The following CDYL2 variants were observed in gnomAD, a reference collection of about 807,000 sequenced individuals.
CDYL2 encodes chromodomain Y like 2.
A neutral mutation model predicts 49.4 loss-of-function variants in CDYL2; 23 were observed. The observed-to-expected ratio is 0.47, with a 90% confidence interval of 0.34 to 0.66. The LOEUF (loss-of-function observed/expected upper bound fraction) is 0.66, where lower values mean the gene tolerates loss of function less well. Ranked by LOEUF, CDYL2 falls within the 30% of genes least tolerant of loss-of-function variation. CDYL2 has a pLI of 0.01. For missense variants in CDYL2, 678 were observed against 656.4 expected (o/e 1.03, Z -0.36); for synonymous variants, 360 against 268.8 (o/e 1.34, Z -3.32).
chr16:80,706,636 C>T (rs1904414697), intron 1 of CDYL2, among the ~76,000 whole-genome samples: 1 of 152,168 alleles, frequency 6.6e-6, no homozygotes, highest in Non-Finnish European at 1.5e-5. Context: ...CCTCCTCCTG[C>T]ACAAAAGTGA....
intron 2 of CDYL2, chr16:80,679,841 T>C (rs142691308): frequency 8.8e-6 from 4 of 452,472 alleles, no homozygotes; most frequent in African/African-American, 8.0e-5. Flanking sequence ...TAGCAGCATC[T>C]AGGAACTTCT....
chr16:80,687,554 ATGGCTGGC>A (rs576744278), intron 1 of CDYL2, among the ~76,000 whole-genome samples: 2 of 150,612 alleles, frequency 1.3e-5, no homozygotes, highest in African/African-American at 2.5e-5. Context: ...AGATGGATGG[ATGGCTGGC>A]TGGCTGGCTG....
At chr16:80,771,987 G>A (rs1170141444) in intron 1 of CDYL2, among the ~76,000 whole-genome samples, 1 of 152,060 alleles carries the variant, frequency 6.6e-6, no homozygotes, top group Non-Finnish European at 1.5e-5. Context: ...AGGAGAAAGA[G>A]GAAATGGCTG....
intron 1 of CDYL2, among the ~76,000 whole-genome samples, chr16:80,722,438 C>T (rs1905028197): frequency 6.6e-6 from 1 of 152,158 alleles, no homozygotes; most frequent in Admixed American, 6.5e-5. Context: ...CAGGAACTCA[C>T]CCTGATCTCC....
intron 3 of CDYL2, among the ~76,000 whole-genome samples, chr16:80,627,075 G>A (rs1907338255): frequency 6.6e-6 from 1 of 152,002 alleles, no homozygotes; most frequent in East Asian, 1.9e-4. Flanking sequence ...GAAAAAACAG[G>A]GCTGGATGTC....
intron 1 of CDYL2, among the ~76,000 whole-genome samples, chr16:80,726,935 A>C (rs186377929): frequency 4.8e-4 from 73 of 152,270 alleles, no homozygotes; most frequent in African/African-American, 1.8e-3. Context: ...AAAATTTAAA[A>C]ATTAGCTAGG....
intron 1 of CDYL2, among the ~76,000 whole-genome samples, chr16:80,766,235 G>A (rs1906720342): frequency 6.6e-6 from 1 of 151,808 alleles, no homozygotes; most frequent in African/African-American, 2.4e-5. Context: ...ATTTTAAAGG[G>A]ATAAATTGTA....
chr16:80,669,007 GAA>G (rs1485751886), intron 2 of CDYL2, among the ~76,000 whole-genome samples: 1 of 151,890 alleles, frequency 6.6e-6, no homozygotes, highest in African/African-American at 2.4e-5. Context: ...AACAAAAAGA[GAA>G]GAGAGGAGAA....
intron 1 of CDYL2, among the ~76,000 whole-genome samples, chr16:80,761,172 A>G (rs1906515627): frequency 6.6e-6 from 1 of 152,196 alleles, no homozygotes; most frequent in African/African-American, 2.4e-5. Flanking sequence ...CTACTGAATC[A>G]GAAACTCAGC....
intron 3 of CDYL2, among the ~76,000 whole-genome samples, chr16:80,624,951 T>A (rs1427611831): frequency 6.6e-6 from 1 of 152,046 alleles, no homozygotes; most frequent in Non-Finnish European, 1.5e-5. Flanking sequence ...ACAAGAATGC[T>A]AAGATTTAAA....
intron 1 of CDYL2, among the ~76,000 whole-genome samples, chr16:80,731,467 A>C (rs1481601121): frequency 6.6e-6 from 1 of 152,194 alleles, no homozygotes; most frequent in East Asian, 1.9e-4. Context: ...ACAACAAAGA[A>C]TATGTGTTTC....
In CDYL2 at chr16:80,608,792, A is replaced by AAG. The variant is rs138978334; in HGVS notation, c.1219-559_1219-558dup. Among the ~76,000 whole-genome samples, 416 of 150,956 alleles carry AAG rather than the reference A, an allele frequency of 2.8e-3. 4 individuals are homozygous for AAG. The highest frequency in any genetic ancestry group is 9.3e-3 in the African/African-American group (385 of 41,278). On this transcript the variant is annotated intron_variant, in intron 5 of 6. Coordinates refer to ENST00000570137, the MANE Select transcript of CDYL2 (RefSeq NM_152342.4). ...GCTACAAGGAAAGGAGAAATAGGGG[A>AAG]AGAGAGAGAGAGAGAGAAAGATTAA...
At chr16:80,614,631 C>T (rs538333987) in intron 4 of CDYL2, among the ~76,000 whole-genome samples, 35 of 152,204 alleles carry the variant, frequency 2.3e-4, no homozygotes, top group Non-Finnish European at 2.9e-4. Context: ...TGTGGGAGGC[C>T]GAGGTGGATG....
rs543214028 is a variant in CDYL2 at position 80,708,397 on chromosome 16, G to A, written c.25-23268C>T. ...TCTCTTGCCTACCCCCATGTAAGAC[G>A]TGACTTTGCTCCTCCTTGCCTTCTG... On this transcript the variant is annotated intron_variant, in intron 1 of 6. Transcript: ENST00000570137. 7.2e-5 allele frequency among the ~76,000 whole-genome samples: 11 copies of A among 152,248 alleles called. No homozygotes were observed. In the South Asian group the frequency reaches 2.1e-3, roughly 29 times the overall value.
chr16:80,689,069 T>TATGAATGAATGA (rs3077555), intron 1 of CDYL2, among the ~76,000 whole-genome samples: 146 of 152,136 alleles, frequency 9.6e-4, no homozygotes, highest in African/African-American at 3.2e-3. Flanking sequence ...TATTTGCACA[T>TATGAATGAATGA]ATGAATGAAT....
chr16:80,622,740 T>C (rs997271533), intron 3 of CDYL2, among the ~76,000 whole-genome samples: 3 of 152,130 alleles, frequency 2.0e-5, no homozygotes. Context: ...AAGGCACCTG[T>C]GAAAACCATT....
chr16:80,737,402 A>G (rs1905574216), intron 1 of CDYL2, among the ~76,000 whole-genome samples: 1 of 152,140 alleles, frequency 6.6e-6, no homozygotes, highest in South Asian at 2.1e-4. Context: ...TTGCAGATTC[A>G]GGGGTTAAGG....
intron 2 of CDYL2, among the ~76,000 whole-genome samples, chr16:80,675,299 C>A (rs1909697603): frequency 6.6e-6 from 1 of 152,174 alleles, no homozygotes. Context: ...TGTGTCTTAC[C>A]CTTGCTGAGC....
chr16:80,744,065 C>G (rs1040440212), intron 1 of CDYL2, among the ~76,000 whole-genome samples: 7 of 150,444 alleles, frequency 4.7e-5, no homozygotes, highest in African/African-American at 1.7e-4. Flanking sequence ...TCAAAACCCC[C>G]AGGAATTAGG....
Sources: gnomAD v4.1 joint callset for allele counts (sites outside exome capture counted in the v4.1 genomes callset) on GRCh38, gnomAD v4.1.1 for gene constraint, MANE v1.5 for transcripts, NCBI Gene and HGNC (gene_info 2026-07-23, HGNC 2026-07-21) for gene names.